ATP8A2: variants seen among roughly 807,000 people sequenced by gnomAD.
The protein encoded by ATP8A2 is phospholipid-transporting ATPase IB.
ATP8A2 carries 100 observed loss-of-function variants against 165.6 expected under a neutral mutation model. The ratio of observed to expected loss-of-function variants is 0.60; its 90% CI spans 0.51 to 0.71. The LOEUF is 0.71. ATP8A2 is among the 30% of genes least tolerant of loss of function. The pLI is 0.00. For synonymous variants in ATP8A2, 543 were observed against 548.8 expected, an observed-to-expected ratio of 0.99 and a Z score of 0.15; for missense variants, 1,227 against 1,479.5, an observed-to-expected ratio of 0.83 and a Z score of 2.80.
At chr13:25,552,685 A>G (rs1001397771) in intron 11 of ATP8A2, among the ~76,000 whole-genome samples, 3 of 152,208 alleles carry the variant, frequency 2.0e-5, no homozygotes, top group Non-Finnish European at 2.9e-5. Flanking sequence ...ATTGGAACTT[A>G]GAGATCCTAT....
chr13:25,952,364 C>T (rs956511717), intron 33 of ATP8A2, among the ~76,000 whole-genome samples: 1 of 145,188 alleles, frequency 6.9e-6, no homozygotes, highest in African/African-American at 2.5e-5. Flanking sequence ...TTCATCTGGC[C>T]ATGGTATTTT....
chr13:25,867,184 C>CT (rs1339243305), intron 33 of ATP8A2, among the ~76,000 whole-genome samples: 1 of 141,350 alleles, frequency 7.1e-6, no homozygotes, highest in African/African-American at 2.6e-5. Context: ...TGGGTTTACT[C>CT]TTGAGTTTTA....
intron 1 of ATP8A2, among the ~76,000 whole-genome samples, chr13:25,437,017 C>G (rs968200524): frequency 1.3e-5 from 2 of 152,202 alleles, no homozygotes; most frequent in East Asian, 3.9e-4. Context: ...GCTCAAGTGA[C>G]CCACCAGCCT....
At chr13:25,545,667 C>T (rs1419793205) in intron 10 of ATP8A2, among the ~76,000 whole-genome samples, 2 of 152,162 alleles carry the variant, frequency 1.3e-5, no homozygotes, top group South Asian at 2.1e-4. Flanking sequence ...CAGGGTCTGG[C>T]TTTGTTGCCC....
At chr13:25,465,704 T>TTTCTTTCTTTCTTTCTTTCTTTCTTTC (rs2035628315) in intron 1 of ATP8A2, among the ~76,000 whole-genome samples, 1 of 21,618 alleles carries the variant, frequency 4.6e-5, no homozygotes, top group African/African-American at 1.3e-4. Flanking sequence ...TCTTTCTTTC[T>TTTCTTTCTTTCTTTCTTTCTTTCTTTC]TTCTTTCTTT....
At chr13:25,734,744 T>C (rs1388915755) in intron 25 of ATP8A2, among the ~76,000 whole-genome samples, 1 of 152,174 alleles carries the variant, frequency 6.6e-6, no homozygotes, top group Non-Finnish European at 1.5e-5. Context: ...ATTCAAGCGA[T>C]TCTCCTGCCT....
At chr13:25,404,593 T>C (rs2033740546) in intron 1 of ATP8A2, among the ~76,000 whole-genome samples, 1 of 151,936 alleles carries the variant, frequency 6.6e-6, no homozygotes, top group Non-Finnish European at 1.5e-5. Context: ...TCTGAGAAAC[T>C]TGATCCATGT....
At chr13:25,833,386 A>G (rs946668128) in intron 28 of ATP8A2, among the ~76,000 whole-genome samples, 1 of 152,156 alleles carries the variant, frequency 6.6e-6, no homozygotes, top group East Asian at 1.9e-4. Flanking sequence ...GAATTTACAC[A>G]TATCTGAGAA....
At chr13:25,515,315 A>G (rs1593440533) in intron 2 of ATP8A2, among the ~76,000 whole-genome samples, 3 of 152,176 alleles carry the variant, frequency 2.0e-5, no homozygotes, top group Non-Finnish European at 2.9e-5. Flanking sequence ...ATAAATCTCT[A>G]TATGTCACCT....
intron 24 of ATP8A2, among the ~76,000 whole-genome samples, chr13:25,599,444 C>T (rs76781403): frequency 0.015 from 2,226 of 152,326 alleles, 50 homozygotes; most frequent in African/African-American, 0.051. Flanking sequence ...TATCCAGTGT[C>T]TGAAAACAGT....
chr13:25,878,447 T>C (rs561517091), intron 33 of ATP8A2, among the ~76,000 whole-genome samples: 18 of 102,636 alleles, frequency 1.8e-4, no homozygotes, highest in Non-Finnish European at 2.8e-4. Flanking sequence ...TTTAAGAAAG[T>C]AGAGGAATAA....
intron 25 of ATP8A2, among the ~76,000 whole-genome samples, chr13:25,716,023 A>G (rs1022584563): frequency 3.9e-5 from 6 of 152,206 alleles, no homozygotes; most frequent in African/African-American, 1.4e-4. Flanking sequence ...CCTAGTGGGT[A>G]TAAAGTGGTA....
At chr13:25,571,219 A>G (rs1201884457) in intron 17 of ATP8A2, among the ~76,000 whole-genome samples, 1 of 152,154 alleles carries the variant, frequency 6.6e-6, no homozygotes, top group African/African-American at 2.4e-5. Context: ...GAAGCTGTGC[A>G]TGGGGGTACT....
At chr13:25,842,945 G>A (rs1466121662) in intron 30 of ATP8A2, among the ~76,000 whole-genome samples, 2 of 152,178 alleles carry the variant, frequency 1.3e-5, no homozygotes, top group Non-Finnish European at 2.9e-5. Context: ...GAGATTCCAG[G>A]GGACAGCTTA....
At chr13:25,829,712 A>ATATCTATATC (rs1951415002) in intron 28 of ATP8A2, among the ~76,000 whole-genome samples, 1 of 105,806 alleles carries the variant, frequency 9.5e-6, no homozygotes, top group African/African-American at 3.9e-5. Context: ...ATATATATAT[A>ATATCTATATC]TATATATATC....
At chr13:25,498,505 G>A (rs950655402) in intron 2 of ATP8A2, among the ~76,000 whole-genome samples, 1 of 152,132 alleles carries the variant, frequency 6.6e-6, no homozygotes, top group African/African-American at 2.4e-5. Context: ...GTCTACCTTT[G>A]TCTTGTTACT....
intron 35 of ATP8A2, among the ~76,000 whole-genome samples, chr13:26,011,056 A>T (rs1956835012): frequency 1.3e-5 from 2 of 152,108 alleles, no homozygotes; most frequent in Non-Finnish European, 2.9e-5. Flanking sequence ...TCACTGATCG[A>T]TCGGGGGCAG....
intron 15 of ATP8A2, 111 bp downstream of exon 15, chr13:25,559,876 G>A: frequency 1.3e-6 from 1 of 775,658 alleles, no homozygotes; most frequent in Non-Finnish European, 2.2e-6. Flanking sequence ...TGCACAGGAT[G>A]GAGTGCAGTG....
chr13:26,012,958 T>C (rs1186397900), intron 36 of ATP8A2, among the ~76,000 whole-genome samples: 1 of 152,106 alleles, frequency 6.6e-6, no homozygotes, highest in Non-Finnish European at 1.5e-5. Context: ...ATGAACTGTT[T>C]TGTGTAGTGT....
Sources: allele counts gnomAD v4.1 joint callset (sites outside exome capture counted in the v4.1 genomes callset), GRCh38; gene constraint gnomAD v4.1.1; transcripts MANE v1.5; gene names NCBI Gene and HGNC (gene_info 2026-07-23, HGNC 2026-07-21).